Variants in SCAP observed in about 807,000 individuals in gnomAD.
SCAP encodes sterol regulatory element-binding protein cleavage-activating protein.
In SCAP, 65 loss-of-function variants were observed where a neutral mutation model predicts 123.6. The ratio of observed to expected loss-of-function variants is 0.53; its 90% CI spans 0.43 to 0.65. The LOEUF is 0.65. Among genes scored for constraint, SCAP ranks in the 30% least tolerant of loss-of-function variants. The probability of loss-of-function intolerance (pLI) is 0.00; values close to 1 mark genes in which losing one functional copy is unlikely to be tolerated. For synonymous variants in SCAP, 740 were observed against 726.3 expected (o/e 1.02, Z -0.30); for missense variants, 1,398 against 1,712.5 (o/e 0.82, Z 3.24).
At chr3:47,416,184 G>A (rs973227387) in intron 18 of SCAP, among the ~76,000 whole-genome samples, 2 of 152,244 alleles carry the variant, frequency 1.3e-5, no homozygotes, top group African/African-American at 4.8e-5. Flanking sequence ...AGGAGCCAGT[G>A]TGGGACAGGC....
In SCAP at chr3:47,435,469, T is replaced by TACACACACACACACACAC. The variant is rs57702290; in HGVS notation, c.123-350_123-333dup. 1.1e-3 allele frequency among the ~76,000 whole-genome samples: 101 copies of TACACACACACACACACAC among 91,956 alleles called. 1 individual carries two copies. Among genetic ancestry groups the TACACACACACACACACAC allele is most frequent in the African/African-American group, 3.3e-3 (95 of 28,926 alleles). 60.3% of individuals were successfully genotyped at this position (91,956 alleles called of 152,430 possible). ...AACATTAACATATATAATATAAACATACACACACACACACACACACACACA... is the reference window on the plus strand; with the variant it reads ...AACATTAACATATATAATATAAACATACACACACACACACACACACACACACACACACACACACACACA... On this transcript the variant is annotated intron_variant, in intron 2 of 22. Coordinates refer to ENST00000265565, the MANE Select transcript of SCAP (RefSeq NM_012235.4).
intron 1 of SCAP, among the ~76,000 whole-genome samples, chr3:47,445,874 A>AT (rs35996993): frequency 0.03 from 3,632 of 122,696 alleles, 83 homozygotes; most frequent in African/African-American, 0.044. Context: ...CCCTGTCTCA[A>AT]TTTTTTTTTT....
chr3:47,458,746 C>A (rs1218810124), intron 1 of SCAP, among the ~76,000 whole-genome samples: 1 of 152,208 alleles, frequency 6.6e-6, no homozygotes, highest in Non-Finnish European at 1.5e-5. Context: ...CCCTCTTGAC[C>A]TGGTCAGGAA....
At chr3:47,425,424 A>G in intron 8 of SCAP, 61 bp downstream of exon 8, 2 of 1,543,412 alleles carry the variant, frequency 1.3e-6, no homozygotes, top group Non-Finnish European at 1.7e-6. Flanking sequence ...AGAACCCAGA[A>G]GTGCAAGGCT....
At chr3:47,418,028 G>T in intron 16 of SCAP, 106 bp downstream of exon 16, 1 of 759,270 alleles carries the variant, frequency 1.3e-6, no homozygotes, top group Non-Finnish European at 2.2e-6. Context: ...GCCTGGAGGG[G>T]TTGGGGGATA....
At chr3:47,469,828 T>C (rs1456109658) in intron 1 of SCAP, 3 of 586,950 alleles carry the variant, frequency 5.1e-6, no homozygotes, top group Non-Finnish European at 9.8e-6. Context: ...CCCTGGGCAG[T>C]TGGCAAGACT....
intron 1 of SCAP, among the ~76,000 whole-genome samples, chr3:47,457,495 C>A (rs1362501227): frequency 6.6e-6 from 1 of 152,164 alleles, no homozygotes; most frequent in Non-Finnish European, 1.5e-5. Context: ...TGGTGCTGAG[C>A]AGAAAGTCAC....
intron 2 of SCAP, 77 bp downstream of exon 2, chr3:47,442,795 T>C: frequency 7.5e-7 from 1 of 1,341,146 alleles, no homozygotes; most frequent in East Asian, 2.3e-5. Flanking sequence ...GGCCAAGGGC[T>C]CCATAGTGGT....
chr3:47,425,901 T>C, intron 7 of SCAP, 96 bp downstream of exon 7: 1 of 1,404,200 alleles, frequency 7.1e-7, no homozygotes, highest in Non-Finnish European at 9.8e-7. Flanking sequence ...GTTCTATCTC[T>C]CTACCCCAAG....
At chr3:47,418,288 C>T in intron 15 of SCAP, 33 bp downstream of exon 15, 1 of 1,553,138 alleles carries the variant, frequency 6.4e-7, no homozygotes, top group South Asian at 1.2e-5. Flanking sequence ...AGGCTCCGGC[C>T]CTCCCCTACC....
intron 10 of SCAP, chr3:47,421,305 G>A: frequency 2.5e-6 from 1 of 401,882 alleles, no homozygotes; most frequent in Non-Finnish European, 4.7e-6. Context: ...CCTCTAGAGG[G>A]GACTGAAGGC....
intron 1 of SCAP, among the ~76,000 whole-genome samples, chr3:47,456,713 C>T (rs921538707): frequency 1.3e-5 from 2 of 151,574 alleles, no homozygotes; most frequent in African/African-American, 2.4e-5. Flanking sequence ...TGCAGTGAGC[C>T]GAGATCATCC....
rs976969811 is a variant in SCAP at position 47,439,061 on chromosome 3, G to A, written c.122+3811C>T. ...TATGTACAGATACATCTTGACTTAC[G>A]ATGGGGTTATGTCCTGATAACGCTG... is the stretch of plus-strand genomic sequence containing the variant. On this transcript the variant is annotated intron_variant, in intron 2 of 22. Transcript: ENST00000265565. The surrounding 1 kb of genome is among the most constrained non-coding windows in gnomAD (Gnocchi z 4.0). Among the ~76,000 whole-genome samples the A allele has an allele frequency of 2.0e-5, 3 of 152,078 alleles. No individual in the cohort carries two copies. The highest frequency in any genetic ancestry group is 7.2e-5 in the African/African-American group (3 of 41,386).
intron 2 of SCAP, among the ~76,000 whole-genome samples, chr3:47,442,063 T>C (rs1025160403): frequency 2.0e-5 from 3 of 152,058 alleles, no homozygotes; most frequent in Non-Finnish European, 2.9e-5. Flanking sequence ...GCAACTGAAC[T>C]GAACAGGGAG....
chr3:47,417,617 C>T lies in SCAP; in HGVS notation c.2657G>A (p.Arg886Gln), dbSNP rs753963651. 12 of 1,605,930 alleles carry T rather than the reference C, an allele frequency of 7.5e-6. No individual in the cohort carries two copies. In the East Asian group the frequency reaches 9.0e-5, roughly 12 times the overall value. The change falls in exon 17 of 23, where the codon CGG (arginine) becomes CAG (glutamine). Residue 886 changes from arginine (R) to glutamine (Q), a missense_variant. By Grantham distance (43) the Arg-to-Gln change is conservative. This residue lies in a region of SCAP where 828 missense variants were observed against 882.5 expected (regional missense o/e 0.94). Coordinates refer to ENST00000265565, the MANE Select transcript of SCAP (RefSeq NM_012235.4). ...CTCGGGCTGAGTGGGCTGTGAGGAC[C>T]GAGGCTGCGCTGAAAAGTTGGTGTC... ...LIDTNFSAQPRSSQPTQPEPR... is the reference protein window; with the variant it reads ...LIDTNFSAQPQSSQPTQPEPR...
At chr3:47,453,960 C>T (rs1256578852) in intron 1 of SCAP, among the ~76,000 whole-genome samples, 2 of 152,118 alleles carry the variant, frequency 1.3e-5, no homozygotes, top group Admixed American at 6.6e-5. Flanking sequence ...TCATTTTGTA[C>T]CAGAAACATG....
At chr3:47,441,136 G>A (rs1706789647) in intron 2 of SCAP, among the ~76,000 whole-genome samples, 1 of 152,122 alleles carries the variant, frequency 6.6e-6, no homozygotes, top group Middle Eastern at 3.4e-3. Context: ...GCCTGACCTC[G>A]TGATCTGCCC....
At chr3:47,459,924 G>T (rs935550821) in intron 1 of SCAP, among the ~76,000 whole-genome samples, 1 of 152,162 alleles carries the variant, frequency 6.6e-6, no homozygotes, top group Non-Finnish European at 1.5e-5. Flanking sequence ...GCATAAGACA[G>T]ACACTCCCAG....
In SCAP at chr3:47,420,742, C is replaced by CA. The variant is rs1705860638; in HGVS notation, c.1374dup (p.Glu459Ter). 6.2e-7 allele frequency: 1 copy of CA among 1,610,816 alleles called. No individual in the cohort carries two copies. Among genetic ancestry groups the CA allele is most frequent in the African/African-American group, 1.3e-5 (1 of 74,856 alleles). ...GGCTTGGCTGAGGGCAGGCAGGCCT[C>CA]AGGGGGCAGTCGCTTGTTCAGGTCT... On this transcript the variant is annotated frameshift_variant, in exon 12 of 23. Transcript: ENST00000265565. LOFTEE classifies it high-confidence loss of function. The surrounding 1 kb of genome is among the most constrained non-coding windows in gnomAD (Gnocchi z 5.0).
Sources: allele counts gnomAD v4.1 joint callset (sites outside exome capture counted in the v4.1 genomes callset), GRCh38; gene constraint gnomAD v4.1.1; regional missense constraint gnomAD v4.1.1; non-coding constraint Gnocchi (gnomAD v3.1); transcripts MANE v1.5; gene names NCBI Gene and HGNC (gene_info 2026-07-23, HGNC 2026-07-21).